Variants in NTRK2 observed in about 807,000 individuals in gnomAD.
NTRK2 encodes neurotrophic receptor tyrosine kinase 2, also known as BDNF/NT-3 growth factors receptor.
A neutral mutation model predicts 94.5 loss-of-function variants in NTRK2; 13 were observed. The observed-to-expected ratio is 0.14, with a 90% CI of 0.09 to 0.22. The LOEUF (loss-of-function observed/expected upper bound fraction) is 0.22. NTRK2 is among the 10% of genes least tolerant of loss of function. The pLI, the probability that NTRK2 is intolerant of heterozygous loss-of-function variation, is 1.00. For synonymous variants in NTRK2, 372 were observed against 407.4 expected, an observed-to-expected ratio of 0.91 and a Z score of 1.05; for missense variants, 639 against 1,071.2, an observed-to-expected ratio of 0.60 and a Z score of 5.63.
chr9:84,973,780 G>A (rs1289406560), intron 17 of NTRK2, among the ~76,000 whole-genome samples: 2 of 152,124 alleles, frequency 1.3e-5, no homozygotes, highest in African/African-American at 4.8e-5. Context: ...AGCTCTAAAA[G>A]TCTAATCTCA....
intron 15 of NTRK2, among the ~76,000 whole-genome samples, chr9:84,940,957 T>C (rs1333544268): frequency 2.0e-5 from 3 of 152,196 alleles, no homozygotes; most frequent in Admixed American, 2.0e-4. Context: ...TACATTGGCA[T>C]GTGAAATACT....
rs896349976 is a variant in NTRK2, at chr9:84,782,062, A to T, written c.1396+29977A>T. On this transcript the variant is annotated intron_variant, in intron 12 of 18. Transcript: ENST00000277120. Reference sequence around the variant, plus strand: ...AACACACACACACACACACACACACACACACAAACACACACACCCACAAAC... The same window carrying T: ...AACACACACACACACACACACACACTCACACAAACACACACACCCACAAAC... 1.5e-4 allele frequency among the ~76,000 whole-genome samples: 23 copies of T among 151,040 alleles called. No homozygotes were observed. In the East Asian group the frequency reaches 2.0e-3, roughly 13 times the overall value.
chr9:84,692,324 G>GT (rs1253816814), intron 2 of NTRK2, among the ~76,000 whole-genome samples: 1 of 152,162 alleles, frequency 6.6e-6, no homozygotes, highest in African/African-American at 2.4e-5. Context: ...GTCTGTGCAA[G>GT]TATTAGTTCA....
intron 14 of NTRK2, among the ~76,000 whole-genome samples, chr9:84,926,165 CCTTCCTTTCTTTCTTTCTTTCTTTCTTT>C (rs2077787731): frequency 1.2e-3 from 59 of 48,392 alleles, no homozygotes; most frequent in Admixed American, 2.5e-3. Flanking sequence ...TTCCTTCCTT[CCTTCCTTTCTTTCTTTCTTTCTTTCTTT>C]CTTTCTTTCT....
chr9:85,025,435 C>T lies in NTRK2; in HGVS notation c.*3998C>T, dbSNP rs1329701261. The T allele has an allele frequency of 4.3e-6, 1 of 233,058 alleles. No individual in the cohort carries two copies. Among genetic ancestry groups the T allele is most frequent in the Non-Finnish European group, 8.5e-6 (1 of 118,024 alleles). The allele number at this position is 233,058 out of a possible 1,614,324, so 14.4% of individuals were successfully genotyped here. On this transcript the variant is annotated 3_prime_UTR_variant, in exon 19 of 19. Coordinates refer to ENST00000277120, the MANE Select transcript of NTRK2 (RefSeq NM_006180.6). Reference sequence around the variant, plus strand: ...GCTTGAAGGCCAATGATGAGCAGTCCAAGACCCCACAGCGAGATGAGCAAC... The same window carrying T: ...GCTTGAAGGCCAATGATGAGCAGTCTAAGACCCCACAGCGAGATGAGCAAC...
Position 85,020,581 on chromosome 9 carries a change from C to T in NTRK2, c.2331+217C>T, listed in dbSNP as rs546805757. Among the ~76,000 whole-genome samples the T allele has an allele frequency of 2.0e-5, 3 of 152,292 alleles. No individual in the cohort carries two copies. In the South Asian group the frequency reaches 6.2e-4, roughly 32 times the overall value. ...AAAGCACAGTGCTCGCTGCTATGTC[C>T]TTGCTCCTCTGGTGATGGGACTGAG... On this transcript the variant is annotated intron_variant, in intron 18 of 18. Transcript: ENST00000277120.
At chr9:84,991,438 T>C (rs1217216699) in intron 17 of NTRK2, among the ~76,000 whole-genome samples, 1 of 152,332 alleles carries the variant, frequency 6.6e-6, no homozygotes, top group East Asian at 1.9e-4. Flanking sequence ...GTATTATCTA[T>C]GCGAGTTTAT....
At chr9:84,894,148 T>C (rs188537810) in intron 14 of NTRK2, among the ~76,000 whole-genome samples, 606 of 22,044 alleles carry the variant, frequency 0.027, 11 homozygotes, top group Admixed American at 0.2. Flanking sequence ...GGTGTTTGGG[T>C]GTTACTTGAC....
At chr9:84,871,948 T>C in intron 14 of NTRK2, 2 of 1,596,622 alleles carry the variant, frequency 1.3e-6, no homozygotes, top group Non-Finnish European at 1.7e-6. Context: ...ACGTCACTCC[T>C]TAGCTTCCAT....
intron 2 of NTRK2, among the ~76,000 whole-genome samples, chr9:84,682,318 T>C (rs1485799418): frequency 6.6e-6 from 1 of 152,226 alleles, no homozygotes; most frequent in Non-Finnish European, 1.5e-5. Context: ...TTGTATGGAA[T>C]TTAGCTGGTA....
intron 12 of NTRK2, among the ~76,000 whole-genome samples, chr9:84,774,816 C>T (rs890672723): frequency 2.0e-5 from 3 of 151,870 alleles, no homozygotes; most frequent in Admixed American, 1.3e-4. Flanking sequence ...GAGAAACTAG[C>T]GCATGGAATA....
intron 17 of NTRK2, among the ~76,000 whole-genome samples, chr9:84,994,020 A>G (rs1829422087): frequency 1.3e-5 from 2 of 152,172 alleles, no homozygotes; most frequent in African/African-American, 4.8e-5. Context: ...CAAAAACTGA[A>G]GTATTTTTAT....
intron 14 of NTRK2, chr9:84,877,433 T>C: frequency 9.4e-7 from 1 of 1,066,030 alleles, no homozygotes; most frequent in Non-Finnish European, 1.1e-6. Context: ...TGGGTGGGTA[T>C]GGATAGATGT....
intron 17 of NTRK2, among the ~76,000 whole-genome samples, chr9:84,987,519 A>G (rs1237309177): frequency 6.6e-6 from 1 of 152,214 alleles, no homozygotes; most frequent in Non-Finnish European, 1.5e-5. Context: ...TAGCTTTACG[A>G]AAAATTTAAA....
intron 14 of NTRK2, among the ~76,000 whole-genome samples, chr9:84,884,726 T>C (rs2076362279): frequency 6.6e-6 from 1 of 152,236 alleles, no homozygotes; most frequent in South Asian, 2.1e-4. Context: ...ATTTTCTGTG[T>C]TTAATAAAAC....
intron 12 of NTRK2, among the ~76,000 whole-genome samples, chr9:84,816,971 C>A (rs948667044): frequency 6.6e-6 from 1 of 152,054 alleles, no homozygotes; most frequent in Non-Finnish European, 1.5e-5. Flanking sequence ...GCTATGCTCA[C>A]GAACAATATA....
intron 17 of NTRK2, among the ~76,000 whole-genome samples, chr9:84,996,885 C>T (rs1054630503): frequency 2.0e-5 from 3 of 152,222 alleles, no homozygotes; most frequent in African/African-American, 7.2e-5. Flanking sequence ...GCTAGATTTT[C>T]TAGTGCCTCC....
At chr9:85,008,175 G>A (rs1831173665) in intron 17 of NTRK2, among the ~76,000 whole-genome samples, 2 of 151,820 alleles carry the variant, frequency 1.3e-5, no homozygotes, top group Admixed American at 6.6e-5. Flanking sequence ...AGATTAAGGA[G>A]TGAACCAAAC....
chr9:84,958,838 C>A (rs1047542955), intron 17 of NTRK2, among the ~76,000 whole-genome samples: 4 of 152,118 alleles, frequency 2.6e-5, no homozygotes, highest in South Asian at 2.1e-4. Context: ...AGAACTGGTT[C>A]TTGGGAGATG....
Sources: allele counts gnomAD v4.1 joint callset (sites outside exome capture counted in the v4.1 genomes callset), GRCh38; gene constraint gnomAD v4.1.1; transcripts MANE v1.5; gene names NCBI Gene and HGNC (gene_info 2026-07-23, HGNC 2026-07-21).